GPBP1L1: variants seen among roughly 807,000 people sequenced by gnomAD.
The protein encoded by GPBP1L1 is GC-rich promoter binding protein 1 like 1, also known as vasculin-like protein 1.
GPBP1L1 carries 23 observed loss-of-function variants against 52.5 expected under a neutral mutation model. The observed-to-expected ratio is 0.44, with a 90% CI of 0.32 to 0.62. The LOEUF (loss-of-function observed/expected upper bound fraction) is 0.62. Among genes scored for constraint, GPBP1L1 ranks in the 20% least tolerant of loss-of-function variants. The pLI, the probability that GPBP1L1 is intolerant of heterozygous loss-of-function variation, is 0.06. For missense variants in GPBP1L1, 596 were observed against 579.3 expected (o/e 1.03, Z -0.30); for synonymous variants, 243 against 203.1 (o/e 1.20, Z -1.67).
Position 45,640,403 on chromosome 1 carries a change from T to G in GPBP1L1, c.551A>C (p.Glu184Ala). 2 of 1,612,964 alleles carry G rather than the reference T, an allele frequency of 1.2e-6. No homozygotes were observed. The highest frequency in any genetic ancestry group is 1.7e-6 in the Non-Finnish European group (2 of 1,179,560). ...GGGTTGCTTGGCACTAGGCGGGTTT[T>G]CTGTGAAGTACAAGAGTGGAGAGAC... is the stretch of plus-strand genomic sequence containing the variant. The part of the protein sequence containing the change: ...RPIGTPSGVW[E>A]NPPSAKQPSK... The change falls in exon 8 of 13, where the codon GAA becomes GCA. Residue 184 changes from glutamate to alanine, a missense_variant and splice_region_variant. By Grantham distance (107) the Glu-to-Ala change is moderately radical (BLOSUM62 -1). Coordinates refer to ENST00000355105, the MANE Select transcript of GPBP1L1 (RefSeq NM_021639.5).
chr1:45,651,736 T>C (rs2148464165), intron 6 of GPBP1L1: 1 of 389,876 alleles, frequency 2.6e-6, no homozygotes, highest in Non-Finnish European at 4.6e-6. Context: ...TTTTCTTAAA[T>C]AGCGGATTCA....
rs1135850 is a variant in GPBP1L1, at chr1:45,628,020, G to T, written c.*236C>A. On this transcript the variant is annotated 3_prime_UTR_variant, in exon 13 of 13. Coordinates refer to ENST00000355105, the MANE Select transcript of GPBP1L1 (RefSeq NM_021639.5). ...ACTGGGTGTGTATGTGTGTGTGTGT[G>T]TGAGTGTGTTTAAAAAATCTGTCCC... is the stretch of plus-strand genomic sequence containing the variant. The T allele has an allele frequency of 6.4e-6, 3 of 465,394 alleles. No individual in the cohort carries two copies. The highest frequency in any genetic ancestry group is 2.0e-5 in the African/African-American group (1 of 50,762). 28.8% of individuals were successfully genotyped at this position (465,394 alleles called of 1,614,324 possible).
chr1:45,659,654 A>T (rs1341930573), intron 3 of GPBP1L1, among the ~76,000 whole-genome samples: 1 of 152,162 alleles, frequency 6.6e-6, no homozygotes, highest in East Asian at 1.9e-4. Flanking sequence ...AGTAGAAAAG[A>T]TCTTCTTGGC....
chr1:45,658,527 G>C (rs1023084911), intron 4 of GPBP1L1, among the ~76,000 whole-genome samples: 4 of 152,272 alleles, frequency 2.6e-5, no homozygotes, highest in Non-Finnish European at 4.4e-5. Flanking sequence ...GCAGTAATAA[G>C]GTAGACATTC....
At chr1:45,630,310 G>A (rs1285318435) in intron 11 of GPBP1L1, among the ~76,000 whole-genome samples, 172 bp downstream of exon 11, 3 of 152,206 alleles carry the variant, frequency 2.0e-5, no homozygotes, top group African/African-American at 7.2e-5. Context: ...CTGAGTTTGA[G>A]AGAGAATGCT....
chr1:45,679,036 C>T (rs1445689675), intron 2 of GPBP1L1, among the ~76,000 whole-genome samples: 1 of 152,212 alleles, frequency 6.6e-6, no homozygotes, highest in Admixed American at 6.5e-5. Context: ...TAATATTCTA[C>T]ATTACCCTTA....
At chr1:45,659,404 C>T (rs1644920909) in intron 3 of GPBP1L1, among the ~76,000 whole-genome samples, 1 of 152,122 alleles carries the variant, frequency 6.6e-6, no homozygotes, top group South Asian at 2.1e-4. Flanking sequence ...TGCTATGTTG[C>T]CCAGGCTGAT....
chr1:45,672,586 T>TCC (rs1395592952), intron 2 of GPBP1L1, among the ~76,000 whole-genome samples: 3 of 152,136 alleles, frequency 2.0e-5, no homozygotes, highest in Non-Finnish European at 4.4e-5. Context: ...AGATGTTAAG[T>TCC]AGATAGCTGG....
At position 45,633,596 on chromosome 1, in the gene GPBP1L1, T is replaced by C. The variant is rs1255698309; in HGVS notation, c.937A>G (p.Lys313Glu). The C allele has an allele frequency of 1.2e-6, 2 of 1,613,748 alleles. No homozygotes were observed. Among genetic ancestry groups the C allele is most frequent in the Non-Finnish European group, 1.7e-6 (2 of 1,179,930 alleles). ...PIEISSSRLT[K>E]LTRRTTDRKS... Reference sequence around the variant, plus strand: ...CTGTCGGTGGTTCGGCGGGTCAACTTGGTCAGACGAGAGGAGCTGATCTCA... The same window carrying C: ...CTGTCGGTGGTTCGGCGGGTCAACTCGGTCAGACGAGAGGAGCTGATCTCA... The change falls in exon 10 of 13, where the codon AAG becomes GAG. Residue 313 changes from lysine to glutamate, a missense_variant. By Grantham distance (56) the Lys-to-Glu change is moderately conservative. Transcript: ENST00000355105.
intron 6 of GPBP1L1, chr1:45,651,720 TA>T: frequency 4.4e-6 from 2 of 452,268 alleles, no homozygotes; most frequent in East Asian, 3.6e-5. Flanking sequence ...CCAAAATTCT[TA>T]GGCCTTTTCT....
intron 3 of GPBP1L1, 134 bp downstream of exon 3, chr1:45,660,050 T>G: frequency 9.9e-6 from 3 of 303,860 alleles, no homozygotes; most frequent in Non-Finnish European, 1.4e-5. Context: ...TCAGTTTTCC[T>G]GAGATCTGTT....
chr1:45,650,360 T>G (rs1190892562), intron 6 of GPBP1L1, among the ~76,000 whole-genome samples: 1 of 152,140 alleles, frequency 6.6e-6, no homozygotes, highest in African/African-American at 2.4e-5. Context: ...GAGTCAAAGC[T>G]CTCTCCCACA....
At chr1:45,663,450 A>C (rs1268878047) in intron 2 of GPBP1L1, among the ~76,000 whole-genome samples, 1 of 152,196 alleles carries the variant, frequency 6.6e-6, no homozygotes, top group Non-Finnish European at 1.5e-5. Context: ...CAGAGTCCCA[A>C]CTTAGGCAGT....
At chr1:45,635,380 C>G (rs1350207255) in intron 8 of GPBP1L1, 1 of 152,076 alleles carries the variant, frequency 6.6e-6, no homozygotes, top group Non-Finnish European at 1.5e-5. Context: ...TTGCTTGTGT[C>G]AGGTTAACTC....
At position 45,683,203 on chromosome 1, in the gene GPBP1L1, CTTTTTTTTTTTTT is replaced by C. The variant is rs764606358; in HGVS notation, c.-1098+2360_-1098+2372del. On this transcript the variant is annotated intron_variant, in intron 2 of 12. Transcript: ENST00000355105. ...AGATTGCCTAAATTTGAATATAGGC[CTTTTTTTTTTTTT>C]TTTTTTTTTTTTTTTGAGAGGGAGT... Among the ~76,000 whole-genome samples the C allele has an allele frequency of 3.0e-3, 252 of 83,780 alleles. 1 individual carries two copies. Among genetic ancestry groups the C allele is most frequent in the Non-Finnish European group, 4.5e-3 (206 of 45,942 alleles). The allele number at this position is 83,780 out of a possible 152,430, so 55.0% of individuals were successfully genotyped here. A position where few individuals can be genotyped will look rare whatever the true frequency, so the allele number is the denominator to read the frequency against.
chr1:45,663,291 T>G (rs183019187), intron 2 of GPBP1L1, among the ~76,000 whole-genome samples: 2 of 152,078 alleles, frequency 1.3e-5, no homozygotes, highest in African/African-American at 4.8e-5. Flanking sequence ...TGTTAGGGTA[T>G]AAAGCTGTTG....
At position 45,656,529 on chromosome 1, in the gene GPBP1L1, T is replaced by C. The variant is rs574427226; in HGVS notation, c.61-1210A>G. On this transcript the variant is annotated intron_variant, in intron 4 of 12. Transcript: ENST00000355105. ...CATTTCAGGTTAATCTTTTTGTGTA[T>C]GAAGCAAAGGCTGAGGTTCTTTACT... Among the ~76,000 whole-genome samples, 4 of 152,332 alleles carry C rather than the reference T, an allele frequency of 2.6e-5. No homozygotes were observed. In the East Asian group the frequency reaches 7.7e-4, roughly 29 times the overall value.
At chr1:45,649,732 A>G (rs754457644) in intron 6 of GPBP1L1, among the ~76,000 whole-genome samples, 2 of 152,164 alleles carry the variant, frequency 1.3e-5, no homozygotes, top group East Asian at 1.9e-4. Flanking sequence ...ACTCAATTCT[A>G]TGAGTTTTTA....
chr1:45,681,255 C>A (rs937831177), intron 2 of GPBP1L1, among the ~76,000 whole-genome samples: 1 of 152,156 alleles, frequency 6.6e-6, no homozygotes, highest in Non-Finnish European at 1.5e-5. Context: ...CCCAAATACA[C>A]AGAATCACCT....
Sources: allele counts gnomAD v4.1 joint callset (sites outside exome capture counted in the v4.1 genomes callset), GRCh38; gene constraint gnomAD v4.1.1; transcripts MANE v1.5; gene names NCBI Gene and HGNC (gene_info 2026-07-23, HGNC 2026-07-21).